Variants in KLHL29 observed in about 807,000 individuals in gnomAD.
KLHL29 encodes kelch-like protein 29.
KLHL29 carries 21 observed loss-of-function variants against 80.4 expected under a neutral mutation model. That is an observed-to-expected ratio of 0.26 (90% CI 0.19 to 0.38). The LOEUF (loss-of-function observed/expected upper bound fraction) is 0.38, where lower values mean the gene tolerates loss of function less well. KLHL29 is among the 10% of genes least tolerant of loss of function. The probability of loss-of-function intolerance (pLI) is 1.00; values close to 1 mark genes in which losing one functional copy is unlikely to be tolerated. For synonymous variants in KLHL29, 511 were observed against 526.8 expected (o/e 0.97, Z 0.41); for missense variants, 867 against 1,223.9 (o/e 0.71, Z 4.35).
chr2:23,408,946 C>T (rs1303117433), intron 1 of KLHL29, among the ~76,000 whole-genome samples: 2 of 152,156 alleles, frequency 1.3e-5, no homozygotes, highest in Admixed American at 1.3e-4. Flanking sequence ...CTCTGATGAG[C>T]ACCTTTCAGA....
At chr2:23,395,921 G>C (rs1006100566) in intron 1 of KLHL29, among the ~76,000 whole-genome samples, 1 of 152,188 alleles carries the variant, frequency 6.6e-6, no homozygotes, top group Non-Finnish European at 1.5e-5. Context: ...AATCATGCAA[G>C]GTAGGACCAC....
intron 1 of KLHL29, among the ~76,000 whole-genome samples, chr2:23,448,203 C>T (rs985192474): frequency 2.0e-5 from 3 of 152,170 alleles, no homozygotes; most frequent in Middle Eastern, 3.4e-3. Flanking sequence ...CTAGATGTCC[C>T]CAGTCCCCAG....
Position 23,681,320 on chromosome 2 carries a change from A to G in KLHL29, c.941-3079A>G, listed in dbSNP as rs372949351. Among the ~76,000 whole-genome samples, 1 of 152,250 alleles carries G rather than the reference A, an allele frequency of 6.6e-6. No individual in the cohort carries two copies. The highest frequency in any genetic ancestry group is 1.5e-5 in the Non-Finnish European group (1 of 68,038). ...CAGATTTCCACCAAGTGAGATTCAG[A>G]GAGAGCAGAAAGCACCTACATTAGG... On this transcript the variant is annotated intron_variant, in intron 5 of 13. Coordinates refer to ENST00000486442, the MANE Select transcript of KLHL29 (RefSeq NM_052920.2). This position sits in a 1 kb window ranked among gnomAD's most constrained non-coding sequence, Gnocchi z 4.2.
At chr2:23,610,469 A>T (rs957599421) in intron 3 of KLHL29, among the ~76,000 whole-genome samples, 1 of 152,188 alleles carries the variant, frequency 6.6e-6, no homozygotes, top group African/African-American at 2.4e-5. Context: ...GTCCGGAATG[A>T]GCTGCAGGGA....
At chr2:23,490,295 T>A (rs1256984020) in intron 2 of KLHL29, among the ~76,000 whole-genome samples, 1 of 151,796 alleles carries the variant, frequency 6.6e-6, no homozygotes, top group Non-Finnish European at 1.5e-5. Flanking sequence ...AAAAAAAAAA[T>A]CTGATTGGAA....
intron 3 of KLHL29, chr2:23,617,201 A>G (rs1417058161): frequency 6.6e-6 from 1 of 152,304 alleles, no homozygotes; most frequent in Non-Finnish European, 1.5e-5. Flanking sequence ...TCCTTCAGCC[A>G]GGCAGGGCAC....
chr2:23,696,606 G>A lies in KLHL29; in HGVS notation c.2105+93G>A. ...CTGTACCTCCCAACACCCACTCAGT[G>A]GCGATGGAGCAGAGCCTGGACCATT... On this transcript the variant is annotated intron_variant, in intron 11 of 13. Transcript: ENST00000486442. The surrounding 1 kb of genome is among the most constrained non-coding windows in gnomAD (Gnocchi z 5.5). 9.7e-7 allele frequency: 1 copy of A among 1,030,222 alleles called. No individual in the cohort carries two copies. Among genetic ancestry groups the A allele is most frequent in the Middle Eastern group, 3.2e-4 (1 of 3,098 alleles). 63.8% of individuals were successfully genotyped at this position (1,030,222 alleles called of 1,614,324 possible). A position where few individuals can be genotyped will look rare whatever the true frequency, so the allele number is the denominator to read the frequency against.
At chr2:23,699,679 C>T (rs969169982) in intron 11 of KLHL29, among the ~76,000 whole-genome samples, 1 of 152,210 alleles carries the variant, frequency 6.6e-6, no homozygotes, top group Non-Finnish European at 1.5e-5. Context: ...TCAACCCAAC[C>T]GTTTGCCTTC....
chr2:23,555,908 T>C (rs769330691), intron 2 of KLHL29, among the ~76,000 whole-genome samples: 7 of 152,190 alleles, frequency 4.6e-5, no homozygotes, highest in Non-Finnish European at 8.8e-5. Context: ...ATTGCTGCAT[T>C]TGGTGATGCT....
chr2:23,604,774 G>A (rs7570419), intron 3 of KLHL29, among the ~76,000 whole-genome samples: 3,870 of 152,180 alleles, frequency 0.025, 170 homozygotes, highest in African/African-American at 0.089. Context: ...CCCTGGAGGT[G>A]GTGTCCTTAC....
chr2:23,654,617 G>C (rs1178005445), intron 5 of KLHL29, among the ~76,000 whole-genome samples: 1 of 151,028 alleles, frequency 6.6e-6, no homozygotes, highest in East Asian at 2.0e-4. Context: ...TCTTGGGCTG[G>C]GGTCGGGAGT....
intron 2 of KLHL29, among the ~76,000 whole-genome samples, chr2:23,477,973 T>C (rs1316966074): frequency 6.6e-6 from 1 of 152,152 alleles, no homozygotes; most frequent in African/African-American, 2.4e-5. Context: ...CTCTTGTTCG[T>C]CCTGAGCTCT....
intron 5 of KLHL29, among the ~76,000 whole-genome samples, chr2:23,666,284 A>G (rs968833827): frequency 6.6e-6 from 1 of 152,196 alleles, no homozygotes; most frequent in Non-Finnish European, 1.5e-5. Context: ...GCCGCCTAAG[A>G]CAAGCTGAGC....
At chr2:23,651,158 T>C (rs540117431) in intron 5 of KLHL29, among the ~76,000 whole-genome samples, 13 of 152,358 alleles carry the variant, frequency 8.5e-5, no homozygotes, top group African/African-American at 3.1e-4. Context: ...GAAATCGTTG[T>C]CATTGCCTGT....
chr2:23,556,538 T>TA (rs888001462), intron 2 of KLHL29, among the ~76,000 whole-genome samples: 3 of 151,196 alleles, frequency 2.0e-5, no homozygotes, highest in African/African-American at 7.3e-5. Context: ...TGTAATCCTG[T>TA]AATACGCAGG....
intron 3 of KLHL29, among the ~76,000 whole-genome samples, chr2:23,601,374 T>C (rs1186673043): frequency 6.6e-6 from 1 of 152,216 alleles, no homozygotes; most frequent in Non-Finnish European, 1.5e-5. Flanking sequence ...CTTGTGAATT[T>C]ATATGAATAA....
intron 2 of KLHL29, among the ~76,000 whole-genome samples, chr2:23,494,611 C>T (rs1246030444): frequency 6.6e-6 from 1 of 152,156 alleles, no homozygotes; most frequent in African/African-American, 2.4e-5. Context: ...TGCAAACTGC[C>T]GAAGCCTCTC....
At chr2:23,424,425 A>G (rs1038305888) in intron 1 of KLHL29, among the ~76,000 whole-genome samples, 4 of 152,158 alleles carry the variant, frequency 2.6e-5, no homozygotes, top group African/African-American at 9.7e-5. Context: ...AATTGTTTCT[A>G]TTATTTGTCA....
intron 3 of KLHL29, among the ~76,000 whole-genome samples, chr2:23,594,039 G>A (rs761133090): frequency 1.6e-4 from 25 of 152,124 alleles, no homozygotes; most frequent in Non-Finnish European, 2.6e-4. Flanking sequence ...TCTCTTCCTC[G>A]TCCACTTCAC....
Sources: allele counts gnomAD v4.1 joint callset (sites outside exome capture counted in the v4.1 genomes callset), GRCh38; gene constraint gnomAD v4.1.1; non-coding constraint Gnocchi (gnomAD v3.1); transcripts MANE v1.5; gene names NCBI Gene and HGNC (gene_info 2026-07-23, HGNC 2026-07-21).